Variants in CDH12 observed in about 807,000 individuals in gnomAD.
CDH12 encodes the protein cadherin 12, also known as cadherin-12.
Under a neutral mutation model 74.1 loss-of-function variants are expected in CDH12, and 41 were observed. The observed-to-expected ratio is 0.55, with a 90% CI of 0.43 to 0.72. The LOEUF (loss-of-function observed/expected upper bound fraction) is 0.72. Among genes scored for constraint, CDH12 ranks in the 30% least tolerant of loss-of-function variants. The probability of loss-of-function intolerance (pLI) is 0.00; values close to 1 mark genes in which losing one functional copy is unlikely to be tolerated. For synonymous variants in CDH12, 399 were observed against 355.0 expected (o/e 1.12, Z -1.39); for missense variants, 945 against 977.2 (o/e 0.97, Z 0.44).
intron 9 of CDH12, among the ~76,000 whole-genome samples, chr5:21,804,583 A>C (rs1671062291): frequency 6.6e-6 from 1 of 151,172 alleles, no homozygotes; most frequent in African/African-American, 2.4e-5. Context: ...AACGAGAGTA[A>C]ATTTAGATTA....
intron 6 of CDH12, among the ~76,000 whole-genome samples, chr5:21,970,627 T>G (rs2910533): frequency 0.3 from 45,073 of 150,626 alleles, 11,021 homozygotes; most frequent in African/African-American, 0.68. Context: ...ATCACTTGAG[T>G]TCAGGAGTTC....
At chr5:22,537,121 ACAGCAGG>A (rs1737883609) in intron 1 of CDH12, among the ~76,000 whole-genome samples, 1 of 152,230 alleles carries the variant, frequency 6.6e-6, no homozygotes, top group Admixed American at 6.5e-5. Context: ...AATGATCATT[ACAGCAGG>A]CTGAAACTTT....
At chr5:22,447,015 G>C (rs1744842318) in intron 2 of CDH12, among the ~76,000 whole-genome samples, 1 of 151,958 alleles carries the variant, frequency 6.6e-6, no homozygotes, top group African/African-American at 2.4e-5. Context: ...TTAAATACTG[G>C]ATATTCCTTC....
chr5:22,595,099 C>CA (rs1337586296), intron 1 of CDH12, among the ~76,000 whole-genome samples: 6 of 151,736 alleles, frequency 4.0e-5, no homozygotes, highest in Admixed American at 2.6e-4. Flanking sequence ...GAAGTCCATA[C>CA]AAAAAAAGAC....
chr5:22,664,542 T>C (rs1237475732), intron 1 of CDH12, among the ~76,000 whole-genome samples: 3 of 152,200 alleles, frequency 2.0e-5, no homozygotes, highest in Non-Finnish European at 4.4e-5. Context: ...GTAGGGATTA[T>C]GGGGATTGCA....
chr5:22,218,397 T>C (rs114615144), intron 3 of CDH12, among the ~76,000 whole-genome samples: 3,853 of 151,834 alleles, frequency 0.025, 69 homozygotes, highest in African/African-American at 0.052. Flanking sequence ...TACTTCTTGG[T>C]AATTAAAAGT....
In CDH12 at chr5:22,505,255, A is replaced by T; in HGVS notation, c.-428+15T>A. ...AGGTAAAAGCATATATCTTGATAAG[A>T]TTTTTTTTACCTACCTTTAAAAAGG... On this transcript the variant is annotated intron_variant, in intron 2 of 14. Transcript: ENST00000382254. 1 of 915,314 alleles carries T rather than the reference A, an allele frequency of 1.1e-6. No individual in the cohort carries two copies. Among genetic ancestry groups the T allele is most frequent in the African/African-American group, 1.8e-5 (1 of 55,890 alleles). The allele number at this position is 915,314 out of a possible 1,614,324, so 56.7% of individuals were successfully genotyped here.
At chr5:22,393,741 T>G (rs1490583441) in intron 3 of CDH12, among the ~76,000 whole-genome samples, 1 of 152,150 alleles carries the variant, frequency 6.6e-6, no homozygotes, top group Admixed American at 6.6e-5. Flanking sequence ...CCTTGGAGAA[T>G]AAATAAATTT....
At chr5:22,542,507 T>C (rs1738150679) in intron 1 of CDH12, among the ~76,000 whole-genome samples, 1 of 152,158 alleles carries the variant, frequency 6.6e-6, no homozygotes, top group Non-Finnish European at 1.5e-5. Flanking sequence ...GGCTCTGGAA[T>C]TAATGATCAG....
At chr5:22,734,060 C>T (rs1182474224) in intron 1 of CDH12, among the ~76,000 whole-genome samples, 2 of 151,908 alleles carry the variant, frequency 1.3e-5, no homozygotes, top group Non-Finnish European at 2.9e-5. Flanking sequence ...TGTCGACTAG[C>T]TGTGTGACTT....
intron 4 of CDH12, among the ~76,000 whole-genome samples, chr5:22,169,103 T>TCTGTCTTC (rs1748866723): frequency 6.6e-6 from 1 of 151,786 alleles, no homozygotes; most frequent in South Asian, 2.1e-4. Flanking sequence ...CCTGTCTATG[T>TCTGTCTTC]CTGTCTTCCT....
At chr5:22,722,643 C>T (rs996015643) in intron 1 of CDH12, among the ~76,000 whole-genome samples, 8 of 152,026 alleles carry the variant, frequency 5.3e-5, no homozygotes, top group Non-Finnish European at 1.0e-4. Context: ...ATAAATCTAC[C>T]CAGATGTCTT....
intron 1 of CDH12, among the ~76,000 whole-genome samples, chr5:22,598,146 C>A (rs2126808518): frequency 1.3e-5 from 2 of 152,158 alleles, no homozygotes; most frequent in Admixed American, 6.5e-5. Flanking sequence ...TGCTGAAGTT[C>A]CATTTCCATT....
At chr5:22,723,990 G>A (rs1309168602) in intron 1 of CDH12, among the ~76,000 whole-genome samples, 2 of 151,726 alleles carry the variant, frequency 1.3e-5, no homozygotes, top group South Asian at 2.1e-4. Flanking sequence ...ACGTGATACC[G>A]TTTTCTCAGT....
chr5:22,082,609 G>A (rs1204363057), intron 4 of CDH12, among the ~76,000 whole-genome samples: 1 of 152,178 alleles, frequency 6.6e-6, no homozygotes, highest in Non-Finnish European at 1.5e-5. Flanking sequence ...TTGGACTGCA[G>A]TTGATCACCG....
chr5:22,686,659 T>C (rs1458650885), intron 1 of CDH12, among the ~76,000 whole-genome samples: 5 of 152,224 alleles, frequency 3.3e-5, no homozygotes, highest in African/African-American at 1.2e-4. Context: ...TTGCCTCTTC[T>C]AAGCCTCTGT....
intron 1 of CDH12, among the ~76,000 whole-genome samples, chr5:22,510,590 C>T (rs1241001823): frequency 6.6e-6 from 1 of 152,100 alleles, no homozygotes; most frequent in Non-Finnish European, 1.5e-5. Context: ...GAGCCACAGA[C>T]GCTCAAGTCT....
chr5:22,497,042 T>A lies in CDH12; in HGVS notation c.-428+8228A>T, dbSNP rs188278040. 1.5e-3 allele frequency among the ~76,000 whole-genome samples: 223 copies of A among 152,324 alleles called. 1 individual carries two copies. Among genetic ancestry groups the A allele is most frequent in the Admixed American group, 6.6e-3 (101 of 15,306 alleles). ...AGACTTTTAGCGTCATTTTCTCATC[T>A]GCTAAATGAACATAATGTTAATAGT... On this transcript the variant is annotated intron_variant, in intron 2 of 14. Transcript: ENST00000382254.
chr5:22,629,359 T>C (rs1005348166), intron 1 of CDH12, among the ~76,000 whole-genome samples: 2 of 151,808 alleles, frequency 1.3e-5, no homozygotes, highest in Non-Finnish European at 2.9e-5. Flanking sequence ...GAAGAAAAAT[T>C]CTCAACAAAA....
Sources: gnomAD v4.1 joint callset for allele counts (sites outside exome capture counted in the v4.1 genomes callset) on GRCh38, gnomAD v4.1.1 for gene constraint, MANE v1.5 for transcripts, NCBI Gene and HGNC (gene_info 2026-07-23, HGNC 2026-07-21) for gene names.